HIGD1A: variants seen among roughly 807,000 people sequenced by gnomAD.
HIGD1A encodes the protein HIG1 hypoxia inducible domain family member 1A.
HIGD1A carries 8 observed loss-of-function variants against 11.3 expected under a neutral mutation model. That is an observed-to-expected ratio of 0.71 (90% CI 0.42 to 1.28). The LOEUF (loss-of-function observed/expected upper bound fraction) is 1.28. Among genes scored for constraint, HIGD1A ranks in the 50% most tolerant of loss-of-function variants. The pLI is 0.01. For synonymous variants in HIGD1A, 32 were observed against 38.4 expected (o/e 0.83, Z 0.62); for missense variants, 107 against 118.8 (o/e 0.90, Z 0.46).
At chr3:42,804,246 A>T in intron 1 of HIGD1A, 190 bp downstream of exon 1, 2 of 1,587,438 alleles carry the variant, frequency 1.3e-6, no homozygotes, top group Non-Finnish European at 1.7e-6. Context: ...TCGGCTCCCG[A>T]CTCCTCTCAT....
At chr3:42,790,467 A>T (rs1262944636) in intron 2 of HIGD1A, among the ~76,000 whole-genome samples, 1 of 152,188 alleles carries the variant, frequency 6.6e-6, no homozygotes, top group African/African-American at 2.4e-5. Flanking sequence ...CGGGAGGCGG[A>T]GGTTGCAGTA....
At position 42,782,977 on chromosome 3, in the gene HIGD1A, G is replaced by A. The variant is rs1007990316; in HGVS notation, c.*2294C>T. On this transcript the variant is annotated 3_prime_UTR_variant, in exon 4 of 4. Transcript: ENST00000321331. ...GAGAATTGTATTATCTAGCCAAATTGTTTTTACTGTGTAAAGGCTACAGAT... is the reference window on the plus strand; with the variant it reads ...GAGAATTGTATTATCTAGCCAAATTATTTTTACTGTGTAAAGGCTACAGAT... Among the ~76,000 whole-genome samples, 3 of 152,194 alleles carry A rather than the reference G, an allele frequency of 2.0e-5. No individual in the cohort carries two copies. Among genetic ancestry groups the A allele is most frequent in the African/African-American group, 7.2e-5 (3 of 41,454 alleles).
At chr3:42,791,774 AATGT>A (rs35944388) in intron 2 of HIGD1A, among the ~76,000 whole-genome samples, 26,392 of 152,096 alleles carry the variant, frequency 0.17, 2,420 homozygotes, top group South Asian at 0.26. Flanking sequence ...ATCCTTTTGA[AATGT>A]CTTTCTGCGT....
intron 2 of HIGD1A, among the ~76,000 whole-genome samples, chr3:42,791,766 C>G (rs1700424191): frequency 6.8e-6 from 1 of 146,382 alleles, no homozygotes; most frequent in Admixed American, 6.9e-5. Flanking sequence ...TGTATCTTAT[C>G]CTTTTGAAAT....
chr3:42,789,407 T>C (rs1038105974), intron 2 of HIGD1A, among the ~76,000 whole-genome samples: 4 of 152,024 alleles, frequency 2.6e-5, no homozygotes, highest in Admixed American at 6.6e-5. Flanking sequence ...GGCTCATCCC[T>C]GTAATCCTAG....
chr3:42,783,394 T>C lies in HIGD1A; in HGVS notation c.*1877A>G, dbSNP rs138502715. ...CAGCACTTTGGGAGGCTGAGGCAGA[T>C]AGATCTCTTGAAGCCAGGAGTTCAA... On this transcript the variant is annotated 3_prime_UTR_variant, in exon 4 of 4. Transcript: ENST00000321331. Among the ~76,000 whole-genome samples, 13 of 152,204 alleles carry C rather than the reference T, an allele frequency of 8.5e-5. No homozygotes were observed. The South Asian group carries it at 1.0e-3, about 12-fold the overall frequency.
intron 2 of HIGD1A, among the ~76,000 whole-genome samples, chr3:42,793,445 C>A (rs4682856): frequency 0.21 from 32,247 of 152,104 alleles, 4,209 homozygotes; most frequent in Non-Finnish European, 0.28. Context: ...ATTAAATGCA[C>A]CCCCTCTCCC....
intron 2 of HIGD1A, among the ~76,000 whole-genome samples, chr3:42,787,594 A>AATATATATATATATATATATATATAT (rs1163603645): frequency 3.9e-4 from 55 of 141,200 alleles, no homozygotes; most frequent in African/African-American, 1.4e-3. Context: ...CCATCTCAAA[A>AATATATATATATATATATATATATAT]ATATATATAT....
chr3:42,788,677 T>A (rs1700381542), intron 2 of HIGD1A, among the ~76,000 whole-genome samples: 1 of 150,940 alleles, frequency 6.6e-6, no homozygotes, highest in Non-Finnish European at 1.5e-5. Context: ...AAAACAGGAG[T>A]TCGAGACTAG....
At chr3:42,787,670 T>C (rs1453894021) in intron 2 of HIGD1A, among the ~76,000 whole-genome samples, 1 of 144,178 alleles carries the variant, frequency 6.9e-6, no homozygotes, top group African/African-American at 2.6e-5. Context: ...AGCAGCAAAA[T>C]AAATAAATGG....
intron 1 of HIGD1A, chr3:42,804,077 TC>T: frequency 7.6e-7 from 1 of 1,312,746 alleles, no homozygotes; most frequent in African/African-American, 1.5e-5. Flanking sequence ...AAGCTCCCGC[TC>T]CTCGCTCCCC....
intron 2 of HIGD1A, among the ~76,000 whole-genome samples, chr3:42,788,269 T>C (rs950941929): frequency 6.6e-6 from 1 of 152,224 alleles, no homozygotes; most frequent in Middle Eastern, 3.2e-3. Flanking sequence ...AAGAGATGAT[T>C]GCTCTTTGCC....
chr3:42,783,619 TAAACAAACAAAC>T lies in HIGD1A; in HGVS notation c.*1640_*1651del, dbSNP rs201602754. On this transcript the variant is annotated 3_prime_UTR_variant, in exon 4 of 4. Transcript: ENST00000321331. ...AACAGAGCAAGACTCTGTCTCAAAA[TAAACAAACAAAC>T]AAACAAACAAACAGTATAAGAGTAA... 1.3e-5 allele frequency among the ~76,000 whole-genome samples: 2 copies of T among 152,154 alleles called. No individual in the cohort carries two copies. Among genetic ancestry groups the T allele is most frequent in the Admixed American group, 6.5e-5 (1 of 15,270 alleles).
intron 2 of HIGD1A, among the ~76,000 whole-genome samples, chr3:42,793,928 T>C (rs1274066073): frequency 6.6e-6 from 1 of 151,880 alleles, no homozygotes; most frequent in African/African-American, 2.4e-5. Flanking sequence ...TGAGCTATGA[T>C]CAAGCCACTG....
In HIGD1A at chr3:42,785,135, G is replaced by A. The variant is rs1482235020; in HGVS notation, c.*136C>T. 1.6e-6 allele frequency: 1 copy of A among 618,688 alleles called. No homozygotes were observed. Among genetic ancestry groups the A allele is most frequent in the Non-Finnish European group, 2.8e-6 (1 of 354,508 alleles). The allele number at this position is 618,688 out of a possible 1,614,324, so 38.3% of individuals were successfully genotyped here. On this transcript the variant is annotated 3_prime_UTR_variant, in exon 4 of 4. Coordinates refer to ENST00000321331, the MANE Select transcript of HIGD1A (RefSeq NM_014056.4). ...GCAAATCAAGCCTGCAAGAAAGGAAGCCAATATTCAAAATGCCATGTTACC... is the reference window on the plus strand; with the variant it reads ...GCAAATCAAGCCTGCAAGAAAGGAAACCAATATTCAAAATGCCATGTTACC...
rs1161962850 is a variant in HIGD1A at position 42,796,898 on chromosome 3, C to CTCTCCCTCTCCG, written c.-22-2635_-22-2624dup. ...ATAACTTCCGTCCCTCTCCCTCTCCCTCTCCCTCTCCGTCTCCCTCTCCGT... is the reference window on the plus strand; with the variant it reads ...ATAACTTCCGTCCCTCTCCCTCTCCCTCTCCCTCTCCGTCTCCCTCTCCGTCTCCCTCTCCGT... On this transcript the variant is annotated intron_variant, in intron 1 of 3. Transcript: ENST00000321331. 2.4e-3 allele frequency among the ~76,000 whole-genome samples: 2 copies of CTCTCCCTCTCCG among 848 alleles called. 1 individual carries two copies. Among genetic ancestry groups the CTCTCCCTCTCCG allele is most frequent in the African/African-American group, 2.4e-3 (2 of 822 alleles). 0.6% of individuals were successfully genotyped at this position (848 alleles called of 152,430 possible). A position where few individuals can be genotyped will look rare whatever the true frequency, so the allele number is the denominator to read the frequency against.
intron 1 of HIGD1A, among the ~76,000 whole-genome samples, chr3:42,795,721 A>AC (rs1700487985): frequency 7.3e-6 from 1 of 136,692 alleles, no homozygotes; most frequent in Admixed American, 8.2e-5. Context: ...GTAAGGGGAT[A>AC]GGAAAAAAAA....
chr3:42,799,657 T>C lies in HIGD1A; in HGVS notation c.-23+4779A>G, dbSNP rs140675556. Among the ~76,000 whole-genome samples the C allele has an allele frequency of 1.3e-4, 20 of 152,070 alleles. 1 individual carries two copies. Among genetic ancestry groups the C allele is most frequent in the African/African-American group, 4.8e-4 (20 of 41,466 alleles). On this transcript the variant is annotated intron_variant, in intron 1 of 3. Coordinates refer to ENST00000321331, the MANE Select transcript of HIGD1A (RefSeq NM_014056.4). ...TTTTAGTATAGATGGGGTTTTGCCA[T>C]GTTGGCCAGCCTGGTCTCAAACTCC...
intron 1 of HIGD1A, among the ~76,000 whole-genome samples, chr3:42,800,768 T>C (rs745807157): frequency 6.6e-6 from 1 of 151,934 alleles, no homozygotes; most frequent in Non-Finnish European, 1.5e-5. Context: ...TCAGAAATCA[T>C]CCTAGGAAGC....
Sources: allele counts gnomAD v4.1 joint callset (sites outside exome capture counted in the v4.1 genomes callset), GRCh38; gene constraint gnomAD v4.1.1; transcripts MANE v1.5; gene names NCBI Gene and HGNC (gene_info 2026-07-23, HGNC 2026-07-21).